The following RGPD1 variants were observed in gnomAD, a reference collection of about 807,000 sequenced individuals.
RGPD1 encodes the protein RANBP2 like and GRIP domain containing 1.
A neutral mutation model predicts 40.6 loss-of-function variants in RGPD1; 7 were observed. The ratio of observed to expected loss-of-function variants is 0.17; its 90% CI spans 0.10 to 0.32. The LOEUF is 0.32. Among genes scored for constraint, RGPD1 ranks in the 10% least tolerant of loss-of-function variants. RGPD1 has a pLI of 1.00. For missense variants in RGPD1, 50 were observed against 472.5 expected (o/e 0.11, Z 8.29); for synonymous variants, 24 against 167.0 (o/e 0.14, Z 6.60).
At chr2:86,997,033 T>C (rs1267898205) in intron 21 of RGPD1, among the ~76,000 whole-genome samples, 1 of 146,744 alleles carries the variant, frequency 6.8e-6, no homozygotes. Flanking sequence ...ATTTCCATGA[T>C]ACCCTGTGCT....
chr2:86,942,440 G>T, intron 1 of RGPD1, 132 bp downstream of exon 1: 1 of 854,992 alleles, frequency 1.2e-6, no homozygotes, highest in African/African-American at 1.7e-5. Flanking sequence ...GACGGGCGCT[G>T]CTCCCTGGCG....
intron 4 of RGPD1, among the ~76,000 whole-genome samples, chr2:86,956,055 T>G (rs1680709080): frequency 6.7e-6 from 1 of 149,134 alleles, no homozygotes; most frequent in African/African-American, 2.5e-5. Flanking sequence ...CCATGAGATT[T>G]ATAATTGTCA....
upstream of RGPD1, among the ~76,000 whole-genome samples, chr2:86,941,662 G>T (rs921866761): frequency 8.8e-4 from 134 of 151,430 alleles, no homozygotes; most frequent in Admixed American, 1.4e-3. Flanking sequence ...AGAGAGGTCT[G>T]ACTTTTCCTC....
intron 1 of RGPD1, among the ~76,000 whole-genome samples, chr2:86,945,709 C>G (rs1449902085): frequency 2.0e-5 from 3 of 151,224 alleles, no homozygotes; most frequent in African/African-American, 4.9e-5. Context: ...GAAAATCCGT[C>G]TCTATTAAAA....
chr2:86,920,143 CA>C (rs1558783063), intron 1 of RGPD1, among the ~76,000 whole-genome samples: 1 of 151,926 alleles, frequency 6.6e-6, no homozygotes, highest in Non-Finnish European at 1.5e-5. Context: ...TATCCTGGCT[CA>C]TTACAACCTC....
upstream of RGPD1, among the ~76,000 whole-genome samples, chr2:86,938,905 G>C (rs552126900): frequency 7.6e-5 from 10 of 130,830 alleles, no homozygotes; most frequent in South Asian, 2.6e-3. Flanking sequence ...AGAAAGATTT[G>C]TTTGACACAG....
At chr2:86,942,380 CCTCGACCTGGCCGGGCGGCG>C in intron 1 of RGPD1, 72 bp downstream of exon 1, 1 of 1,414,876 alleles carries the variant, frequency 7.1e-7, no homozygotes, top group South Asian at 1.3e-5. Flanking sequence ...CGGGCGGCGG[CCTCGACCTGGCCGGGCGGCG>C]GCCTCGATGG....
At chr2:86,942,931 C>A (rs1452181272) in intron 1 of RGPD1, among the ~76,000 whole-genome samples, 6 of 151,974 alleles carry the variant, frequency 3.9e-5, no homozygotes, top group Non-Finnish European at 8.8e-5. Context: ...GTGGGCCCGC[C>A]CTGGCCCGGG....
intron 1 of RGPD1, among the ~76,000 whole-genome samples, chr2:86,915,122 C>A (rs181955465): frequency 6.7e-6 from 1 of 149,852 alleles, no homozygotes; most frequent in East Asian, 2.0e-4. Context: ...GTGGTGAAAC[C>A]CTTTCTCTAC....
chr2:86,988,441 C>CAAAAAAAAAAAAAAAAAAA (rs1174110236), intron 20 of RGPD1, among the ~76,000 whole-genome samples: 1 of 33,242 alleles, frequency 3.0e-5, no homozygotes. Context: ...ACTTTGTCTC[C>CAAAAAAAAAAAAAAAAAAA]AAAAAAAAAA....
At chr2:86,934,091 GGT>G (rs1412938164) in intron 1 of RGPD1, among the ~76,000 whole-genome samples, 1 of 123,220 alleles carries the variant, frequency 8.1e-6, no homozygotes, top group Admixed American at 8.2e-5. Flanking sequence ...GGCCGGGTGT[GGT>G]GGCTCACGCC....
chr2:86,930,808 C>T (rs531520443), intron 1 of RGPD1: 50 of 930,208 alleles, frequency 5.4e-5, no homozygotes, highest in African/African-American at 5.3e-4. Context: ...CCAGCCGCCC[C>T]GCCCCTGCCA....
At chr2:86,951,899 A>T (rs1234936696) in intron 2 of RGPD1, among the ~76,000 whole-genome samples, 51 of 87,960 alleles carry the variant, frequency 5.8e-4, no homozygotes, top group Admixed American at 6.3e-4. Context: ...TTTTTTTTTT[A>T]GGCAGTATCT....
chr2:86,936,855 T>C (rs1257618707), intron 1 of RGPD1, among the ~76,000 whole-genome samples: 2 of 144,646 alleles, frequency 1.4e-5, no homozygotes, highest in Non-Finnish European at 3.0e-5. Context: ...TTATTTTATT[T>C]TATTTTTTCT....
upstream of RGPD1, among the ~76,000 whole-genome samples, chr2:86,938,647 G>A (rs1200910590): frequency 6.6e-6 from 1 of 150,632 alleles, no homozygotes; most frequent in Non-Finnish European, 1.5e-5. Context: ...TCATTATTTT[G>A]TCATGCTTTA....
Position 86,914,925 on chromosome 2 carries a change from ACCTGGCCGGGCGGCGGCGGCGGCGGCGG to A in RGPD1, c.72+1012_72+1039del, listed in dbSNP as rs1362718946. ...GGCGGCGGCGGAGGCGGCGGCCTCG[ACCTGGCCGGGCGGCGGCGGCGGCGGCGG>A]CCTGGCCTAAGGTACTTCTGTTGGG... On this transcript the variant is annotated intron_variant, in intron 1 of 22. Transcript: ENST00000398193. Among the ~76,000 whole-genome samples, 52 of 65,374 alleles carry A rather than the reference ACCTGGCCGGGCGGCGGCGGCGGCGGCGG, an allele frequency of 8.0e-4. 3 individuals carry two copies. Among genetic ancestry groups the A allele is most frequent in the African/African-American group, 4.4e-3 (48 of 10,898 alleles). The allele number at this position is 65,374 out of a possible 152,430, so 42.9% of individuals were successfully genotyped here.
At chr2:86,943,837 C>T (rs1012710133) in intron 1 of RGPD1, among the ~76,000 whole-genome samples, 20 of 152,138 alleles carry the variant, frequency 1.3e-4, no homozygotes, top group Admixed American at 5.2e-4. Context: ...ATGTCGAGAC[C>T]TCGTCTCTAC....
intron 1 of RGPD1, among the ~76,000 whole-genome samples, chr2:86,931,335 G>A (rs1678945461): frequency 1.3e-5 from 2 of 151,170 alleles, no homozygotes; most frequent in Non-Finnish European, 2.9e-5. Flanking sequence ...CTTAAATTTA[G>A]TCCTATCTTT....
intron 6 of RGPD1, among the ~76,000 whole-genome samples, chr2:86,960,510 C>T (rs1008068559): frequency 9.8e-6 from 1 of 101,618 alleles, no homozygotes; most frequent in Non-Finnish European, 1.9e-5. Context: ...CAGGCGTGAG[C>T]CACCGCGCTC....
Sources: gnomAD v4.1 joint callset for allele counts (sites outside exome capture counted in the v4.1 genomes callset) on GRCh38, gnomAD v4.1.1 for gene constraint, MANE v1.5 for transcripts, NCBI Gene and HGNC (gene_info 2026-07-23, HGNC 2026-07-21) for gene names.